The following ADCY3 variants were observed in gnomAD, a reference collection of about 807,000 sequenced individuals.
ADCY3 encodes the protein adenylate cyclase type 3.
A neutral mutation model predicts 119.4 loss-of-function variants in ADCY3; 70 were observed. That is an observed-to-expected ratio of 0.59 (90% CI 0.48 to 0.72). ADCY3 has a LOEUF of 0.72. Ranked by LOEUF, ADCY3 falls within the 30% of genes least tolerant of loss-of-function variation. The pLI is 0.00. For missense variants in ADCY3, 1,238 were observed against 1,541.6 expected, an observed-to-expected ratio of 0.80 and a Z score of 3.30; for synonymous variants, 672 against 621.4, an observed-to-expected ratio of 1.08 and a Z score of -1.21.
chr2:24,845,043 T>C (rs956928281), intron 3 of ADCY3, among the ~76,000 whole-genome samples: 1 of 152,238 alleles, frequency 6.6e-6, no homozygotes. Flanking sequence ...AGGTAAGAAG[T>C]GCCTTTCACC....
intron 3 of ADCY3, among the ~76,000 whole-genome samples, chr2:24,850,258 T>A (rs1047805295): frequency 1.3e-5 from 2 of 152,136 alleles, no homozygotes; most frequent in African/African-American, 4.8e-5. Context: ...CTAAACCCTT[T>A]CCTGGATCCT....
chr2:24,829,673 T>C (rs375995966), intron 13 of ADCY3, among the ~76,000 whole-genome samples: 40 of 150,424 alleles, frequency 2.7e-4, no homozygotes, highest in Admixed American at 9.9e-4. Flanking sequence ...CCGCCCGCCT[T>C]GGCCTCCCAA....
chr2:24,843,275 C>G (rs1671262313), intron 3 of ADCY3, among the ~76,000 whole-genome samples: 1 of 152,290 alleles, frequency 6.6e-6, no homozygotes, highest in African/African-American at 2.4e-5. Flanking sequence ...CTCTGTTGCC[C>G]AGGCTGGAGT....
intron 3 of ADCY3, among the ~76,000 whole-genome samples, chr2:24,861,846 G>A (rs949904100): frequency 6.6e-6 from 1 of 152,354 alleles, no homozygotes; most frequent in Non-Finnish European, 1.5e-5. Flanking sequence ...CCCAGGGGCT[G>A]GGGGCCAGCG....
intron 2 of ADCY3, among the ~76,000 whole-genome samples, chr2:24,889,584 C>A (rs1025238593): frequency 6.6e-6 from 1 of 152,192 alleles, no homozygotes; most frequent in Non-Finnish European, 1.5e-5. Flanking sequence ...TGTAATCCTG[C>A]CCAGCACTTT....
chr2:24,893,867 G>A (rs1385428382), intron 2 of ADCY3, among the ~76,000 whole-genome samples: 1 of 152,134 alleles, frequency 6.6e-6, no homozygotes, highest in Non-Finnish European at 1.5e-5. Context: ...GCCTCCCAAA[G>A]TGCTGGGATT....
intron 3 of ADCY3, among the ~76,000 whole-genome samples, chr2:24,852,413 A>G (rs1212737891): frequency 6.6e-6 from 1 of 152,146 alleles, no homozygotes; most frequent in African/African-American, 2.4e-5. Flanking sequence ...GAGAAGAGGG[A>G]GCGGAGGAGG....
Position 24,837,766 on chromosome 2 carries a change from G to A in ADCY3, c.1533+679C>T, listed in dbSNP as rs1444603121. Among the ~76,000 whole-genome samples the A allele has an allele frequency of 2.0e-4, 30 of 152,202 alleles. 1 individual carries two copies. Among genetic ancestry groups the A allele is most frequent in the Admixed American group, 2.0e-3 (30 of 15,288 alleles). On this transcript the variant is annotated intron_variant, in intron 8 of 21. Coordinates refer to ENST00000679454, the MANE Select transcript of ADCY3 (RefSeq NM_004036.5). The stretch of plus-strand genomic sequence containing the variant: ...GTTTCTAATCAGACTGACAGGAGGT[G>A]TTTGGGGGTTGGTGGACAGACCTGG...
rs1310825114 is a variant in ADCY3 at position 24,834,770 on chromosome 2, T to C, written c.1805+24A>G. 6 of 1,609,030 alleles carry C rather than the reference T, an allele frequency of 3.7e-6. No homozygotes were observed. Among genetic ancestry groups the C allele is most frequent in the Non-Finnish European group, 5.1e-6 (6 of 1,176,300 alleles). On this transcript the variant is annotated intron_variant, in intron 10 of 21. Coordinates refer to ENST00000679454, the MANE Select transcript of ADCY3 (RefSeq NM_004036.5). This position sits in a 1 kb window ranked among gnomAD's most constrained non-coding sequence, Gnocchi z 4.2. ...CAGGGCCCGGGAGGAGTGGTGGGCC[T>C]GGACGCTTCCGGGTGGCGCTTACAC... is the stretch of plus-strand genomic sequence containing the variant.
intron 2 of ADCY3, among the ~76,000 whole-genome samples, chr2:24,912,904 GTTGA>G (rs1663963841): frequency 6.6e-6 from 1 of 152,154 alleles, no homozygotes; most frequent in African/African-American, 2.4e-5. Flanking sequence ...GGATGGAGGG[GTTGA>G]TTTTCTGCAA....
intron 2 of ADCY3, among the ~76,000 whole-genome samples, chr2:24,877,256 G>T (rs2148847798): frequency 6.6e-6 from 1 of 152,282 alleles, no homozygotes; most frequent in East Asian, 1.9e-4. Flanking sequence ...ACAGATGTGG[G>T]TTACGACTCT....
intron 2 of ADCY3, chr2:24,877,849 T>G: frequency 6.4e-6 from 3 of 470,282 alleles, no homozygotes; most frequent in Non-Finnish European, 1.3e-5. Flanking sequence ...AAGCCTTACT[T>G]CTGGGCCCAA....
At chr2:24,850,741 G>A (rs983208580) in intron 3 of ADCY3, among the ~76,000 whole-genome samples, 5 of 152,148 alleles carry the variant, frequency 3.3e-5, no homozygotes, top group East Asian at 1.9e-4. Context: ...ACTGTAAGTC[G>A]CCCAAATACC....
At chr2:24,824,844 C>T (rs902812051) in intron 16 of ADCY3, among the ~76,000 whole-genome samples, 5 of 152,060 alleles carry the variant, frequency 3.3e-5, no homozygotes, top group South Asian at 2.1e-4. Context: ...GAGCCGAGAT[C>T]GCACCACTGC....
intron 2 of ADCY3, among the ~76,000 whole-genome samples, chr2:24,915,093 G>A (rs1162869273): frequency 2.0e-5 from 3 of 152,200 alleles, no homozygotes; most frequent in Admixed American, 6.5e-5. Flanking sequence ...GGGCTGCAGA[G>A]GAAGAAGACT....
intron 20 of ADCY3, 122 bp downstream of exon 20, chr2:24,821,395 G>C (rs1481497940): frequency 1.7e-5 from 24 of 1,410,588 alleles, no homozygotes; most frequent in Non-Finnish European, 2.1e-5. Context: ...CCCTGTGAGT[G>C]CGTGAACCTC....
In ADCY3 at chr2:24,835,461, AAGGGGCGGGT is replaced by A. The variant is rs1670173454; in HGVS notation, c.1663-535_1663-526del. On this transcript the variant is annotated intron_variant, in intron 9 of 21. Transcript: ENST00000679454. Reference sequence around the variant, plus strand: ...ATGTCCTCATCACTAGAGGGCTGACAAGGGGCGGGTAGGTGGAGCTGGGGCACCCACTACC... The same window carrying A: ...ATGTCCTCATCACTAGAGGGCTGACAAGGTGGAGCTGGGGCACCCACTACC... Among the ~76,000 whole-genome samples, 3 of 152,330 alleles carry A rather than the reference AAGGGGCGGGT, an allele frequency of 2.0e-5. No individual in the cohort carries two copies. In the South Asian group the frequency reaches 6.2e-4, roughly 32 times the overall value.
At chr2:24,857,634 C>T (rs1358127664) in intron 3 of ADCY3, among the ~76,000 whole-genome samples, 3 of 152,222 alleles carry the variant, frequency 2.0e-5, no homozygotes, top group African/African-American at 7.2e-5. Context: ...GTCACAAGTA[C>T]TGTGCCAACT....
intron 2 of ADCY3, among the ~76,000 whole-genome samples, chr2:24,910,940 T>C (rs569966774): frequency 8.9e-4 from 136 of 152,210 alleles, no homozygotes; most frequent in African/African-American, 3.1e-3. Flanking sequence ...CCACCGCGCC[T>C]GGCCTTAATA....
Sources: allele counts gnomAD v4.1 joint callset (sites outside exome capture counted in the v4.1 genomes callset), GRCh38; gene constraint gnomAD v4.1.1; non-coding constraint Gnocchi (gnomAD v3.1); transcripts MANE v1.5; gene names NCBI Gene and HGNC (gene_info 2026-07-23, HGNC 2026-07-21).